TACC2: variants seen among roughly 807,000 people sequenced by gnomAD.
TACC2 encodes the protein transforming acidic coiled-coil containing protein 2.
TACC2 carries 137 observed loss-of-function variants against 227.3 expected under a neutral mutation model. That is an observed-to-expected ratio of 0.60 (90% CI 0.52 to 0.69). TACC2 has a LOEUF of 0.69. Among genes scored for constraint, TACC2 ranks in the 30% least tolerant of loss-of-function variants. The probability of loss-of-function intolerance (pLI) is 0.00; values close to 1 mark genes in which losing one functional copy is unlikely to be tolerated. For synonymous variants in TACC2, 1,523 were observed against 1,487.5 expected (o/e 1.02, Z -0.55); for missense variants, 3,470 against 3,694.4 (o/e 0.94, Z 1.57).
At chr10:122,054,101 G>C (rs1189435930) in intron 3 of TACC2, among the ~76,000 whole-genome samples, 1 of 152,216 alleles carries the variant, frequency 6.6e-6, no homozygotes. Context: ...GTTTCTCCTC[G>C]AGGCTCTTCC....
chr10:122,162,580 C>CA (rs2092886576), intron 7 of TACC2, among the ~76,000 whole-genome samples: 1 of 152,164 alleles, frequency 6.6e-6, no homozygotes, highest in Non-Finnish European at 1.5e-5. Flanking sequence ...AGGTGTGCCC[C>CA]AAACCTCCTG....
intron 7 of TACC2, among the ~76,000 whole-genome samples, chr10:122,186,963 C>T (rs2094218233): frequency 6.6e-6 from 1 of 152,152 alleles, no homozygotes; most frequent in South Asian, 2.1e-4. Context: ...TTCAGTCTGG[C>T]CTTTCTCCAG....
chr10:122,047,228 G>A (rs2075108711), intron 2 of TACC2, among the ~76,000 whole-genome samples: 1 of 130,300 alleles, frequency 7.7e-6, no homozygotes. Flanking sequence ...AGCACAGGTT[G>A]CAGCGATCCG....
intron 5 of TACC2, among the ~76,000 whole-genome samples, chr10:122,108,015 C>T (rs2083081768): frequency 4.0e-5 from 6 of 151,142 alleles, no homozygotes; most frequent in Admixed American, 4.0e-4. Flanking sequence ...CCTCAGCCTC[C>T]CGAGTAGCTG....
chr10:122,164,910 G>A (rs1044519790), intron 7 of TACC2, among the ~76,000 whole-genome samples: 6 of 151,908 alleles, frequency 3.9e-5, no homozygotes, highest in Non-Finnish European at 5.9e-5. Context: ...AAAAGATGGT[G>A]GGGATTGATC....
chr10:122,216,932 G>A, intron 11 of TACC2, 104 bp downstream of exon 11: 1 of 1,595,104 alleles, frequency 6.3e-7, no homozygotes, highest in South Asian at 1.1e-5. Flanking sequence ...GTAACCACGT[G>A]ATCATCATTG....
At chr10:122,201,762 A>G (rs1472401608) in intron 8 of TACC2, among the ~76,000 whole-genome samples, 2 of 152,206 alleles carry the variant, frequency 1.3e-5, no homozygotes, top group Non-Finnish European at 2.9e-5. Context: ...ATAACCAAGC[A>G]CCGCAGGTGT....
At chr10:122,231,967 C>T (rs1227795225) in intron 16 of TACC2, among the ~76,000 whole-genome samples, 1 of 152,216 alleles carries the variant, frequency 6.6e-6, no homozygotes, top group Non-Finnish European at 1.5e-5. Context: ...GCTGCTGCTC[C>T]AGCCCTGAGG....
At chr10:122,112,895 G>A (rs968611534) in intron 5 of TACC2, 4 of 152,042 alleles carry the variant, frequency 2.6e-5, no homozygotes, top group African/African-American at 9.7e-5. Context: ...ATTCCTGGCC[G>A]GGGAGGAGAG....
intron 5 of TACC2, among the ~76,000 whole-genome samples, chr10:122,097,996 A>G (rs1314448521): frequency 6.6e-6 from 1 of 152,110 alleles, no homozygotes; most frequent in Non-Finnish European, 1.5e-5. Context: ...CACGCTGGGT[A>G]CACGCTCCTC....
intron 3 of TACC2, among the ~76,000 whole-genome samples, chr10:122,058,123 A>G (rs2076393723): frequency 6.6e-6 from 1 of 152,232 alleles, no homozygotes. Flanking sequence ...CTTTTAATGT[A>G]TAAAGCCTAA....
intron 7 of TACC2, among the ~76,000 whole-genome samples, chr10:122,171,344 A>C (rs1332957566): frequency 7.4e-6 from 1 of 134,872 alleles, no homozygotes. Context: ...GGGCCGAGGT[A>C]GGGGGGTGGA....
Position 122,083,394 on chromosome 10 carries a change from G to A in TACC2, c.894G>A (p.Gln298=), listed in dbSNP as rs1050895902. Residue 298 remains glutamine, a synonymous_variant, in exon 4 of 23, where the codon CAG becomes CAA. Coordinates refer to ENST00000369005, the MANE Select transcript of TACC2 (RefSeq NM_206862.4). ...GAGGCCAAGGGGAGGCGCCGCCTCA[G>A]TATTTAACAGATGACTTGGAATTCC... ...RERGQGEAPP[Q]YLTDDLEFLR... The A allele has an allele frequency of 4.3e-6, 7 of 1,613,818 alleles. No homozygotes were observed. The African/African-American group carries it at 6.7e-5, about 15-fold the overall frequency.
At chr10:122,155,179 G>A (rs1199225738) in intron 7 of TACC2, among the ~76,000 whole-genome samples, 1 of 152,204 alleles carries the variant, frequency 6.6e-6, no homozygotes, top group African/African-American at 2.4e-5. Context: ...GGGCCACTGA[G>A]GGGAGCCCCT....
At chr10:122,136,197 C>G (rs1160252503) in intron 6 of TACC2, among the ~76,000 whole-genome samples, 1 of 152,160 alleles carries the variant, frequency 6.6e-6, no homozygotes, top group Non-Finnish European at 1.5e-5. Flanking sequence ...TCTCCTAATT[C>G]AGGGTTCATG....
rs115679103 is a variant in TACC2, at chr10:122,227,330, G to A, written c.7725-507G>A. 5.7e-3 allele frequency among the ~76,000 whole-genome samples: 868 copies of A among 152,304 alleles called. 11 individuals carry two copies. The highest frequency in any genetic ancestry group is 0.019 in the African/African-American group (802 of 41,564). ...TATTTTTGTCTGCCTGCCCCTTTAA[G>A]CAGGAGTAAAAGTGCTTGCATTGAC... On this transcript the variant is annotated intron_variant, in intron 13 of 22. Coordinates refer to ENST00000369005, the MANE Select transcript of TACC2 (RefSeq NM_206862.4).
chr10:122,132,284 G>A (rs2088437316), intron 5 of TACC2, among the ~76,000 whole-genome samples: 1 of 152,116 alleles, frequency 6.6e-6, no homozygotes, highest in African/African-American at 2.4e-5. Context: ...GGCGGCTCAC[G>A]CCTGTAATCC....
intron 3 of TACC2, among the ~76,000 whole-genome samples, chr10:122,076,837 G>A (rs556737124): frequency 1.3e-5 from 2 of 152,146 alleles, no homozygotes; most frequent in East Asian, 1.9e-4. Flanking sequence ...GATCTGGGCC[G>A]GGTGCGGTGG....
At chr10:122,214,611 C>T (rs781460592) in intron 9 of TACC2, among the ~76,000 whole-genome samples, 12 of 152,192 alleles carry the variant, frequency 7.9e-5, no homozygotes, top group African/African-American at 2.4e-4. Context: ...CCAGACTGCT[C>T]GGTGGACTTA....
Sources: gnomAD v4.1 joint callset for allele counts (sites outside exome capture counted in the v4.1 genomes callset) on GRCh38, gnomAD v4.1.1 for gene constraint, MANE v1.5 for transcripts, NCBI Gene and HGNC (gene_info 2026-07-23, HGNC 2026-07-21) for gene names.